Variants in PDE4D observed in about 807,000 individuals in gnomAD.
The protein encoded by PDE4D is 3',5'-cyclic-AMP phosphodiesterase 4D.
Under a neutral mutation model 87.4 loss-of-function variants are expected in PDE4D, and 24 were observed. The observed-to-expected ratio is 0.27, with a 90% confidence interval of 0.20 to 0.39. The LOEUF (loss-of-function observed/expected upper bound fraction) is 0.39. Among genes scored for constraint, PDE4D ranks in the 10% least tolerant of loss-of-function variants. PDE4D has a pLI of 1.00. For missense variants in PDE4D, 714 were observed against 1,041.0 expected, an observed-to-expected ratio of 0.69 and a Z score of 4.32; for synonymous variants, 384 against 383.2, an observed-to-expected ratio of 1.00 and a Z score of -0.02.
intron 2 of PDE4D, among the ~76,000 whole-genome samples, chr5:60,180,859 C>G (rs920703167): frequency 6.6e-6 from 1 of 152,030 alleles, no homozygotes; most frequent in African/African-American, 2.4e-5. Context: ...CCTTCTTGGA[C>G]CCTGCTGAGT....
intron 1 of PDE4D, among the ~76,000 whole-genome samples, chr5:59,305,919 C>T (rs942716940): frequency 2.6e-5 from 4 of 152,046 alleles, no homozygotes; most frequent in African/African-American, 7.2e-5. Context: ...TTCCAAGGTA[C>T]AGTTTAAATC....
At chr5:59,128,880 A>G (rs1775887526) in intron 5 of PDE4D, among the ~76,000 whole-genome samples, 1 of 152,218 alleles carries the variant, frequency 6.6e-6, no homozygotes, top group Non-Finnish European at 1.5e-5. Flanking sequence ...CACCTGGTTC[A>G]ACCCTTCTAC....
intron 1 of PDE4D, among the ~76,000 whole-genome samples, chr5:59,879,459 A>G (rs1749121394): frequency 6.6e-6 from 1 of 152,186 alleles, no homozygotes; most frequent in Non-Finnish European, 1.5e-5. Context: ...AACAATTTCT[A>G]CTGTTTAATA....
chr5:59,500,871 T>C (rs1199644369), intron 1 of PDE4D, among the ~76,000 whole-genome samples: 1 of 152,214 alleles, frequency 6.6e-6, no homozygotes, highest in Non-Finnish European at 1.5e-5. Flanking sequence ...TTTCTTCTTT[T>C]TTTCTCCCCT....
chr5:59,355,254 A>G (rs1781190713), intron 1 of PDE4D, among the ~76,000 whole-genome samples: 1 of 152,250 alleles, frequency 6.6e-6, no homozygotes, highest in Non-Finnish European at 1.5e-5. Context: ...TATCTTTGCC[A>G]AATTGAGAAG....
chr5:60,370,835 G>T (rs1328280843), intron 1 of PDE4D, among the ~76,000 whole-genome samples: 1 of 152,038 alleles, frequency 6.6e-6, no homozygotes, highest in East Asian at 1.9e-4. Context: ...AAATGAGAGA[G>T]AGAGAGGGAA....
chr5:59,883,552 T>C (rs1240660540), intron 1 of PDE4D, among the ~76,000 whole-genome samples: 1 of 152,238 alleles, frequency 6.6e-6, no homozygotes, highest in Non-Finnish European at 1.5e-5. Flanking sequence ...GAAACATTTA[T>C]ATCTATTTCA....
intron 1 of PDE4D, among the ~76,000 whole-genome samples, chr5:60,233,344 T>A (rs568555898): frequency 3.3e-5 from 5 of 151,922 alleles, no homozygotes; most frequent in Non-Finnish European, 5.9e-5. Flanking sequence ...TGTTAAAACT[T>A]GAATGGTTAT....
chr5:59,608,669 C>T (rs1391571888), intron 1 of PDE4D, among the ~76,000 whole-genome samples: 4 of 152,142 alleles, frequency 2.6e-5, no homozygotes, highest in Admixed American at 2.6e-4. Context: ...CCAAGATTTA[C>T]ATAAGAGTAA....
chr5:59,893,681 G>T lies in PDE4D; in HGVS notation c.-59C>A. The T allele has an allele frequency of 7.1e-7, 1 of 1,400,738 alleles. No homozygotes were observed. The highest frequency in any genetic ancestry group is 9.2e-7 in the Non-Finnish European group (1 of 1,088,400). 86.8% of individuals were successfully genotyped at this position (1,400,738 alleles called of 1,614,324 possible). A position where few individuals can be genotyped will look rare whatever the true frequency, so the allele number is the denominator to read the frequency against. Reference sequence around the variant, plus strand: ...CCGGGTTCACCGCGCTGGCCCGAGCGCCTTCCTGATGCTGCTGCTGCTGCT... The same window carrying T: ...CCGGGTTCACCGCGCTGGCCCGAGCTCCTTCCTGATGCTGCTGCTGCTGCT... On this transcript the variant is annotated 5_prime_UTR_variant, in exon 1 of 15. Transcript: ENST00000340635.
chr5:60,265,262 T>C (rs1296879682), intron 1 of PDE4D, among the ~76,000 whole-genome samples: 1 of 152,070 alleles, frequency 6.6e-6, no homozygotes, highest in Non-Finnish European at 1.5e-5. Flanking sequence ...TCAGGAAAGG[T>C]GAACAGGCAG....
rs571975726 is a variant in PDE4D at position 59,039,147 on chromosome 5, C to A, written c.809-176G>T. On this transcript the variant is annotated intron_variant, in intron 5 of 14. Coordinates refer to ENST00000340635, the MANE Select transcript of PDE4D (RefSeq NM_001104631.2). ...CAGTGCAACGGGGGCGGAGGCTGTG[C>A]TCGCGGGGCGGCCGGCCTCGGGGAG... 4 of 1,356,278 alleles carry A rather than the reference C, an allele frequency of 2.9e-6. No homozygotes were observed. The South Asian group carries it at 6.9e-5, about 23-fold the overall frequency. The allele number at this position is 1,356,278 out of a possible 1,614,324, so 84.0% of individuals were successfully genotyped here.
chr5:59,825,454 C>G (rs1271717178), intron 1 of PDE4D, among the ~76,000 whole-genome samples: 2 of 152,050 alleles, frequency 1.3e-5, no homozygotes, highest in African/African-American at 4.8e-5. Context: ...GCATAGAGAC[C>G]TGGGCATCTA....
At chr5:59,540,390 G>C (rs1051580716) in intron 1 of PDE4D, among the ~76,000 whole-genome samples, 17 of 151,836 alleles carry the variant, frequency 1.1e-4, no homozygotes, top group African/African-American at 4.1e-4. Context: ...CAGAAAAAAA[G>C]AGGGCTATTT....
At chr5:60,012,944 G>A (rs895521537) in intron 2 of PDE4D, among the ~76,000 whole-genome samples, 3 of 152,078 alleles carry the variant, frequency 2.0e-5, no homozygotes, top group Admixed American at 1.3e-4. Flanking sequence ...AATTATGTTT[G>A]GAGACAATGG....
intron 1 of PDE4D, among the ~76,000 whole-genome samples, chr5:60,510,497 A>C (rs1236715598): frequency 6.6e-6 from 1 of 152,206 alleles, no homozygotes; most frequent in Non-Finnish European, 1.5e-5. Flanking sequence ...TACAATTTTG[A>C]GAGGCAAGAA....
chr5:59,380,161 C>T (rs980468239), intron 1 of PDE4D, among the ~76,000 whole-genome samples: 1 of 151,978 alleles, frequency 6.6e-6, no homozygotes, highest in African/African-American at 2.4e-5. Flanking sequence ...TGTCAATATA[C>T]ATTATTATAT....
At chr5:58,976,322 CACAGA>C (rs1743784881) in intron 13 of PDE4D, 23 bp downstream of exon 13, 14 of 1,610,458 alleles carry the variant, frequency 8.7e-6, no homozygotes, top group Non-Finnish European at 1.2e-5. Flanking sequence ...GACACACACA[CACAGA>C]GCAAACTCAA....
At chr5:59,519,339 G>T (rs1327966799) in intron 1 of PDE4D, among the ~76,000 whole-genome samples, 1 of 152,150 alleles carries the variant, frequency 6.6e-6, no homozygotes, top group Non-Finnish European at 1.5e-5. Flanking sequence ...AAATACAGCA[G>T]GGAACGTCAA....
Sources: allele counts gnomAD v4.1 joint callset (sites outside exome capture counted in the v4.1 genomes callset), GRCh38; gene constraint gnomAD v4.1.1; transcripts MANE v1.5; gene names NCBI Gene and HGNC (gene_info 2026-07-23, HGNC 2026-07-21).